The following ATP11A variants were observed in gnomAD, a reference collection of about 807,000 sequenced individuals.
ATP11A encodes the protein ATPase phospholipid transporting 11A, also known as phospholipid-transporting ATPase IH.
ATP11A carries 81 observed loss-of-function variants against 154.4 expected under a neutral mutation model. The ratio of observed to expected loss-of-function variants is 0.52; its 90% CI spans 0.44 to 0.63. The LOEUF is 0.63. Ranked by LOEUF, ATP11A falls within the 30% of genes least tolerant of loss-of-function variation. The pLI is 0.00. For synonymous variants in ATP11A, 623 were observed against 585.9 expected (o/e 1.06, Z -0.91); for missense variants, 1,316 against 1,474.3 (o/e 0.89, Z 1.76).
In ATP11A at chr13:112,838,711, C is replaced by T. The variant is rs558078465; in HGVS notation, c.1705+2460C>T. Among the ~76,000 whole-genome samples the T allele has an allele frequency of 2.0e-5, 3 of 152,318 alleles. No homozygotes were observed. In the South Asian group the frequency reaches 6.2e-4, roughly 32 times the overall value. On this transcript the variant is annotated intron_variant, in intron 16 of 29. Transcript: ENST00000375645. The surrounding 1 kb of genome is among the most constrained non-coding windows in gnomAD (Gnocchi z 7.3). ...TTTGTGCCATGAGAATATCCCTATC[C>T]GCACTGGGACGCCTGTGGACCTCCT...
chr13:112,779,739 C>G (rs2077452876), intron 1 of ATP11A, among the ~76,000 whole-genome samples: 1 of 151,846 alleles, frequency 6.6e-6, no homozygotes, highest in South Asian at 2.1e-4. Context: ...CACACCATTT[C>G]TACTAAAAAT....
At chr13:112,786,023 A>ATGC in intron 2 of ATP11A, among the ~76,000 whole-genome samples, 2 of 102,244 alleles carry the variant, frequency 2.0e-5, no homozygotes, top group African/African-American at 7.8e-5. Flanking sequence ...CATGGGGTAA[A>ATGC]CTGTGCTTTC....
intron 10 of ATP11A, 24 bp downstream of exon 10, chr13:112,824,449 C>A: frequency 6.2e-7 from 1 of 1,606,608 alleles, no homozygotes; most frequent in Non-Finnish European, 8.5e-7. Context: ...CGCGTGAGAA[C>A]CTGCAACTTA....
chr13:112,791,050 AC>A (rs1043897240), intron 2 of ATP11A, among the ~76,000 whole-genome samples: 6 of 152,242 alleles, frequency 3.9e-5, no homozygotes, highest in Non-Finnish European at 7.3e-5. Context: ...GGTAATACTT[AC>A]AAAGTCGACG....
At chr13:112,720,581 CG>C (rs1265981247) in intron 1 of ATP11A, among the ~76,000 whole-genome samples, 1 of 151,920 alleles carries the variant, frequency 6.6e-6, no homozygotes, top group Non-Finnish European at 1.5e-5. Flanking sequence ...TTTTTTGAGA[CG>C]GAGTCTCGCT....
At chr13:112,827,430 G>C (rs1041946603) in intron 12 of ATP11A, among the ~76,000 whole-genome samples, 5 of 152,238 alleles carry the variant, frequency 3.3e-5, no homozygotes, top group African/African-American at 1.2e-4. Context: ...TTGGGTTGCA[G>C]ATTAAATGAG....
Position 112,786,728 on chromosome 13 carries a change from C to G in ATP11A, c.162+1471C>G, listed in dbSNP as rs647059. 2.2e-3 allele frequency among the ~76,000 whole-genome samples: 279 copies of G among 129,414 alleles called. 6 individuals carry two copies. The highest frequency in any genetic ancestry group is 6.8e-3 in the African/African-American group (200 of 29,292). 84.9% of individuals were successfully genotyped at this position (129,414 alleles called of 152,430 possible). On this transcript the variant is annotated intron_variant, in intron 2 of 29. Transcript: ENST00000375645. Reference sequence around the variant, plus strand: ...CTTCAAAATGGATGAGCTAAACCCACGCACACGCGTGGACGGGCTGCACAT... The same window carrying G: ...CTTCAAAATGGATGAGCTAAACCCAGGCACACGCGTGGACGGGCTGCACAT...
chr13:112,858,995 C>A, intron 22 of ATP11A: 1 of 269,438 alleles, frequency 3.7e-6, no homozygotes, highest in South Asian at 4.0e-5. Flanking sequence ...GCCTGCCGTG[C>A]CGCGGGAGGA....
chr13:112,709,136 G>C (rs1887473805), intron 1 of ATP11A, among the ~76,000 whole-genome samples: 1 of 152,204 alleles, frequency 6.6e-6, no homozygotes, highest in South Asian at 2.1e-4. Flanking sequence ...CCTCCTGGCT[G>C]TGTCTTCAGG....
intron 1 of ATP11A, among the ~76,000 whole-genome samples, chr13:112,695,004 T>G (rs762972642): frequency 6.6e-6 from 1 of 152,276 alleles, no homozygotes. Context: ...TGAACATCAG[T>G]GTTCAACTGT....
chr13:112,779,370 G>T (rs1399823562), intron 1 of ATP11A, among the ~76,000 whole-genome samples: 1 of 142,386 alleles, frequency 7.0e-6, no homozygotes, highest in Non-Finnish European at 1.5e-5. Context: ...GGAGTGAGGA[G>T]TAGCCGCTGG....
chr13:112,819,998 G>C (rs756913228), intron 8 of ATP11A, 48 bp downstream of exon 8: 38 of 1,504,190 alleles, frequency 2.5e-5, no homozygotes, highest in African/African-American at 4.2e-5. Flanking sequence ...CCCTTGTTGC[G>C]TTAGAAATGC....
Position 112,785,630 on chromosome 13 carries a change from A to G in ATP11A, c.162+373A>G, listed in dbSNP as rs1040075510. ...GCCAGAGTCTCAGTGCCAGTAAGGT[A>G]GAAACGATACCAGCCACCCCGGAGA... On this transcript the variant is annotated intron_variant, in intron 2 of 29. Transcript: ENST00000375645. This position sits in a 1 kb window ranked among gnomAD's most constrained non-coding sequence, Gnocchi z 4.8. Among the ~76,000 whole-genome samples, 3 of 152,172 alleles carry G rather than the reference A, an allele frequency of 2.0e-5. No individual in the cohort carries two copies. The highest frequency in any genetic ancestry group is 6.5e-5 in the Admixed American group (1 of 15,286).
chr13:112,881,091 G>C, intron 29 of ATP11A: 2 of 987,200 alleles, frequency 2.0e-6, no homozygotes, highest in Non-Finnish European at 2.4e-6. Context: ...ATAGCTTGTC[G>C]CCTCTCCAAC....
intron 1 of ATP11A, among the ~76,000 whole-genome samples, chr13:112,733,681 TTTTCC>T (rs899059869): frequency 6.6e-6 from 1 of 152,200 alleles, no homozygotes; most frequent in Non-Finnish European, 1.5e-5. Flanking sequence ...ACAGAATGTT[TTTTCC>T]TTTCCTTATA....
chr13:112,795,816 G>A (rs439164), intron 2 of ATP11A, among the ~76,000 whole-genome samples: 9,548 of 152,214 alleles, frequency 0.063, 971 homozygotes, highest in African/African-American at 0.21. Context: ...ATTTAAAAAG[G>A]TCGATCACAT....
chr13:112,700,826 C>T (rs958564524), intron 1 of ATP11A, among the ~76,000 whole-genome samples: 1 of 152,256 alleles, frequency 6.6e-6, no homozygotes, highest in Non-Finnish European at 1.5e-5. Flanking sequence ...GAGCCTCCAG[C>T]TGCTTCAGGA....
At chr13:112,765,119 A>C (rs2077042696) in intron 1 of ATP11A, among the ~76,000 whole-genome samples, 1 of 151,944 alleles carries the variant, frequency 6.6e-6, no homozygotes. Flanking sequence ...CCAGCCAGCA[A>C]AGTGCGTTGA....
At position 112,862,474 on chromosome 13, in the gene ATP11A, G is replaced by C. The variant is rs143392665; in HGVS notation, c.2890G>C (p.Val964Leu). 12 of 1,614,132 alleles carry C rather than the reference G, an allele frequency of 7.4e-6. No individual in the cohort carries two copies. Among genetic ancestry groups the C allele is most frequent in the Middle Eastern group, 3.3e-4 (2 of 6,030 alleles). ...VAKNALLRWR[V>L]FIYWTLLGLF... ...CAAGAATGCCCTGCTGCGCTGGCGCGTGTTCATCTACTGGACGCTCCTGGG... is the reference window on the plus strand; with the variant it reads ...CAAGAATGCCCTGCTGCGCTGGCGCCTGTTCATCTACTGGACGCTCCTGGG... Residue 964 changes from valine (V) to leucine (L), a missense_variant, in exon 25 of 30, where the codon GTG (valine) becomes CTG (leucine). By Grantham distance (32) the Val-to-Leu change is conservative. Coordinates refer to ENST00000375645, the MANE Select transcript of ATP11A (RefSeq NM_015205.3).
Sources: allele counts gnomAD v4.1 joint callset (sites outside exome capture counted in the v4.1 genomes callset), GRCh38; gene constraint gnomAD v4.1.1; non-coding constraint Gnocchi (gnomAD v3.1); transcripts MANE v1.5; gene names NCBI Gene and HGNC (gene_info 2026-07-23, HGNC 2026-07-21).